The following CDK14 variants were observed in gnomAD, a reference collection of about 807,000 sequenced individuals.
CDK14 encodes the protein cyclin-dependent kinase 14.
Under a neutral mutation model 60.7 loss-of-function variants are expected in CDK14, and 34 were observed. That is an observed-to-expected ratio of 0.56 (90% CI 0.43 to 0.75). The LOEUF (loss-of-function observed/expected upper bound fraction) is 0.75, where lower values mean the gene tolerates loss of function less well. Ranked by LOEUF, CDK14 falls within the 30% of genes least tolerant of loss-of-function variation. CDK14 has a pLI of 0.00. For synonymous variants in CDK14, 197 were observed against 203.7 expected (o/e 0.97, Z 0.28); for missense variants, 482 against 564.1 (o/e 0.85, Z 1.47).
At chr7:90,705,620 C>G (rs1801880755) in intron 2 of CDK14, among the ~76,000 whole-genome samples, 1 of 149,974 alleles carries the variant, frequency 6.7e-6, no homozygotes, top group East Asian at 1.9e-4. Context: ...TGACTCGAGC[C>G]ATTCACACCC....
At chr7:90,795,333 T>G (rs551694746) in intron 5 of CDK14, among the ~76,000 whole-genome samples, 2 of 152,160 alleles carry the variant, frequency 1.3e-5, no homozygotes, top group African/African-American at 4.8e-5. Flanking sequence ...ATGCTGATTC[T>G]GTACATAGAT....
At chr7:90,892,092 A>G (rs958456324) in intron 6 of CDK14, among the ~76,000 whole-genome samples, 1 of 152,198 alleles carries the variant, frequency 6.6e-6, no homozygotes, top group Non-Finnish European at 1.5e-5. Context: ...TTTCATGTCC[A>G]AGAGGTGGTC....
Position 90,804,215 on chromosome 7 carries a change from C to T in CDK14, c.544+13563C>T, listed in dbSNP as rs187852857. ...GTGCCCCTAGCTATGTGATCATAAGCAAGTACTTAACATATTTTGTCTTTA... is the reference window on the plus strand; with the variant it reads ...GTGCCCCTAGCTATGTGATCATAAGTAAGTACTTAACATATTTTGTCTTTA... On this transcript the variant is annotated intron_variant, in intron 5 of 14. Coordinates refer to ENST00000380050, the MANE Select transcript of CDK14 (RefSeq NM_001287135.2). 1.4e-4 allele frequency among the ~76,000 whole-genome samples: 21 copies of T among 152,214 alleles called. No homozygotes were observed. The East Asian group carries it at 3.7e-3, about 27-fold the overall frequency.
rs76010927 is a variant in CDK14 at position 91,123,306 on chromosome 7, G to T, written c.*28+5098G>T. Among the ~76,000 whole-genome samples, 1,171 of 152,136 alleles carry T rather than the reference G, an allele frequency of 7.7e-3. 7 individuals are homozygous for T. Among genetic ancestry groups the T allele is most frequent in the Non-Finnish European group, 0.012 (797 of 67,994 alleles). ...TTTCCTGCAAAAACTGCCATTTTCT[G>T]CATTATCCTACAATTTTTTTTTCCT... On this transcript the variant is annotated intron_variant, in intron 14 of 14. Coordinates refer to ENST00000380050, the MANE Select transcript of CDK14 (RefSeq NM_001287135.2).
At chr7:90,690,392 G>A (rs1584795784) in intron 2 of CDK14, among the ~76,000 whole-genome samples, 2 of 152,100 alleles carry the variant, frequency 1.3e-5, no homozygotes, top group African/African-American at 4.8e-5. Flanking sequence ...TGTAAAATGG[G>A]ATTAAAAATA....
intron 3 of CDK14, among the ~76,000 whole-genome samples, chr7:90,741,680 A>G (rs1803352186): frequency 6.6e-6 from 1 of 152,220 alleles, no homozygotes; most frequent in African/African-American, 2.4e-5. Flanking sequence ...GGAAGAGATT[A>G]GTATCTAAAG....
At chr7:91,147,233 A>G (rs1184952536) in intron 14 of CDK14, among the ~76,000 whole-genome samples, 1 of 149,372 alleles carries the variant, frequency 6.7e-6, no homozygotes, top group East Asian at 2.0e-4. Context: ...TAGGTATTTT[A>G]TCACTTGGAA....
chr7:91,128,139 A>G (rs1390346299), intron 14 of CDK14, among the ~76,000 whole-genome samples: 1 of 152,202 alleles, frequency 6.6e-6, no homozygotes, highest in Non-Finnish European at 1.5e-5. Context: ...GTATATTTTC[A>G]AAATGTCTTT....
At chr7:90,709,336 A>T in intron 2 of CDK14, 1 of 1,086,846 alleles carries the variant, frequency 9.2e-7, no homozygotes, top group Non-Finnish European at 1.2e-6. Flanking sequence ...TGGGGTTGTC[A>T]CTCAGGACAC....
chr7:90,700,502 G>T (rs1801759709), intron 2 of CDK14, among the ~76,000 whole-genome samples: 2 of 152,132 alleles, frequency 1.3e-5, no homozygotes, highest in Non-Finnish European at 2.9e-5. Flanking sequence ...GGGGAGAAAA[G>T]AACCTTTATT....
intron 5 of CDK14, among the ~76,000 whole-genome samples, chr7:90,827,995 G>A (rs537665089): frequency 7.2e-5 from 11 of 152,222 alleles, no homozygotes; most frequent in African/African-American, 2.4e-4. Flanking sequence ...AAAAGAAATT[G>A]ATATTACATG....
chr7:90,645,564 ATAATT>A (rs1353305972), intron 2 of CDK14, among the ~76,000 whole-genome samples: 3 of 152,160 alleles, frequency 2.0e-5, no homozygotes, highest in African/African-American at 7.2e-5. Flanking sequence ...CATCACTTAA[ATAATT>A]TATAAGAAAA....
At chr7:91,179,344 G>T (rs1220326311) in intron 14 of CDK14, among the ~76,000 whole-genome samples, 1 of 137,198 alleles carries the variant, frequency 7.3e-6, no homozygotes, top group Non-Finnish European at 1.5e-5. Flanking sequence ...TCACACTCTG[G>T]GGACTGTTGT....
rs879793176 is a variant in CDK14 at position 90,649,252 on chromosome 7, C to CTTTGTTTCTTTGTTTCTTTGTTTCTTTG, written c.123+45006_123+45007insGTTTCTTTGTTTCTTTGTTTCTTTGTTT. The stretch of plus-strand genomic sequence containing the variant: ...TAGCCTATAGTTTCTTTCTTTCTTT[C>CTTTGTTTCTTTGTTTCTTTGTTTCTTTG]TTTCTTTCTTTCTTTCTTTCTTTCT... On this transcript the variant is annotated intron_variant, in intron 2 of 14. Transcript: ENST00000380050. Among the ~76,000 whole-genome samples, 155 of 45,400 alleles carry CTTTGTTTCTTTGTTTCTTTGTTTCTTTG rather than the reference C, an allele frequency of 3.4e-3. 2 individuals carry two copies. The highest frequency in any genetic ancestry group is 0.014 in the East Asian group (28 of 2,002). The allele number at this position is 45,400 out of a possible 152,430, so 29.8% of individuals were successfully genotyped here.
intron 9 of CDK14, among the ~76,000 whole-genome samples, chr7:90,963,029 C>G (rs1794646526): frequency 6.6e-6 from 1 of 151,484 alleles, no homozygotes; most frequent in African/African-American, 2.4e-5. Flanking sequence ...AATTAACATA[C>G]TGCCTGTGTC....
intron 14 of CDK14, among the ~76,000 whole-genome samples, chr7:91,169,642 A>G (rs998021706): frequency 1.3e-5 from 2 of 152,142 alleles, no homozygotes; most frequent in African/African-American, 4.8e-5. Flanking sequence ...GATTAAGCCA[A>G]TTTACCAATG....
chr7:90,750,291 G>A (rs1267320536), intron 4 of CDK14, among the ~76,000 whole-genome samples: 3 of 151,896 alleles, frequency 2.0e-5, no homozygotes, highest in African/African-American at 7.3e-5. Context: ...CAGATGAGAA[G>A]GAACCAGCAA....
chr7:90,836,824 A>C (rs1266360118), intron 5 of CDK14, among the ~76,000 whole-genome samples: 5 of 152,258 alleles, frequency 3.3e-5, no homozygotes, highest in Non-Finnish European at 5.9e-5. Flanking sequence ...TGACATTAGT[A>C]GGGGCTAGAC....
At chr7:91,034,890 A>G (rs1458902987) in intron 10 of CDK14, among the ~76,000 whole-genome samples, 4 of 152,010 alleles carry the variant, frequency 2.6e-5, no homozygotes, top group Non-Finnish European at 5.9e-5. Context: ...GAAAGGAACT[A>G]TATATATGTA....
Sources: gnomAD v4.1 joint callset for allele counts (sites outside exome capture counted in the v4.1 genomes callset) on GRCh38, gnomAD v4.1.1 for gene constraint, MANE v1.5 for transcripts, NCBI Gene and HGNC (gene_info 2026-07-23, HGNC 2026-07-21) for gene names.